Variants in CDC5L observed in about 807,000 individuals in gnomAD.
CDC5L encodes cell division cycle 5 like.
In CDC5L, 18 loss-of-function variants were observed where a neutral mutation model predicts 104.1. The ratio of observed to expected loss-of-function variants is 0.17; its 90% CI spans 0.12 to 0.26. The LOEUF (loss-of-function observed/expected upper bound fraction) is 0.26, where lower values mean the gene tolerates loss of function less well. Ranked by LOEUF, CDC5L falls within the 10% of genes least tolerant of loss-of-function variation. The pLI is 1.00. For synonymous variants in CDC5L, 331 were observed against 322.7 expected (o/e 1.03, Z -0.28); for missense variants, 673 against 956.9 (o/e 0.70, Z 3.91).
At chr6:44,415,726 A>G (rs984905624) in intron 8 of CDC5L, among the ~76,000 whole-genome samples, 1 of 152,208 alleles carries the variant, frequency 6.6e-6, no homozygotes, top group Non-Finnish European at 1.5e-5. Context: ...TTAGGCACAC[A>G]TGTCCTAGCT....
At chr6:44,392,522 T>C (rs1015266605) in intron 2 of CDC5L, 145 bp from the exon 3 acceptor site, 13 of 651,074 alleles carry the variant, frequency 2.0e-5, no homozygotes, top group Admixed American at 5.6e-5. Context: ...CTGGGGTAAG[T>C]GTAACCACAC....
chr6:44,435,969 C>T (rs193295659), intron 14 of CDC5L, among the ~76,000 whole-genome samples: 207 of 151,958 alleles, frequency 1.4e-3, no homozygotes, highest in African/African-American at 4.5e-3. Flanking sequence ...TTAGTAGAGA[C>T]GGGTTTCACC....
At chr6:44,400,641 C>T (rs1189385219) in intron 5 of CDC5L, among the ~76,000 whole-genome samples, 1 of 152,202 alleles carries the variant, frequency 6.6e-6, no homozygotes, top group African/African-American at 2.4e-5. Flanking sequence ...CTTGGCCTCC[C>T]AAAGTCCTGG....
intron 10 of CDC5L, 97 bp downstream of exon 10, chr6:44,422,906 C>T: frequency 1.5e-6 from 1 of 670,076 alleles, no homozygotes; most frequent in Non-Finnish European, 2.5e-6. Flanking sequence ...TCACATATAC[C>T]TTAAGAATCT....
chr6:44,439,707 A>G (rs1471879533), intron 14 of CDC5L, among the ~76,000 whole-genome samples: 1 of 152,224 alleles, frequency 6.6e-6, no homozygotes, highest in African/African-American at 2.4e-5. Flanking sequence ...TATCTGGAAA[A>G]TAATAATGGT....
At position 44,429,704 on chromosome 6, in the gene CDC5L, T is replaced by C. The variant is rs754687422; in HGVS notation, c.1894-9T>C. Reference sequence around the variant, plus strand: ...TACTTAAACTTATTGAAATTATTATTGTAAACAGGCCCAGGATGTTTTGGT... The same window carrying C: ...TACTTAAACTTATTGAAATTATTATCGTAAACAGGCCCAGGATGTTTTGGT... On this transcript the variant is annotated splice_polypyrimidine_tract_variant and intron_variant, in intron 13 of 15. Coordinates refer to ENST00000371477, the MANE Select transcript of CDC5L (RefSeq NM_001253.4). The C allele has an allele frequency of 2.2e-5, 35 of 1,611,918 alleles. No individual in the cohort carries two copies. The Middle Eastern group carries it at 6.6e-4, about 30-fold the overall frequency.
intron 4 of CDC5L, among the ~76,000 whole-genome samples, chr6:44,396,085 G>T (rs149557803): frequency 6.6e-6 from 1 of 152,054 alleles, no homozygotes; most frequent in South Asian, 2.1e-4. Context: ...ATTGTTATTC[G>T]AATTTTATAG....
chr6:44,446,372 G>A (rs932014785), intron 15 of CDC5L, among the ~76,000 whole-genome samples: 2 of 152,202 alleles, frequency 1.3e-5, no homozygotes, highest in Non-Finnish European at 2.9e-5. Context: ...GTATTGATAA[G>A]ACAGTAGTGG....
Position 44,394,497 on chromosome 6 carries a change from A to G in CDC5L, c.439+924A>G, listed in dbSNP as rs76231461. Among the ~76,000 whole-genome samples the G allele has an allele frequency of 8.4e-3, 1,272 of 152,298 alleles. 10 individuals are homozygous for G. Among genetic ancestry groups the G allele is most frequent in the South Asian group, 0.022 (104 of 4,824 alleles). ...TAACAGTGATTCTGGGAGGCATTGA[A>G]TCAGGAATTCCACAATAGAAAGTAT... On this transcript the variant is annotated intron_variant, in intron 4 of 15. Coordinates refer to ENST00000371477, the MANE Select transcript of CDC5L (RefSeq NM_001253.4).
intron 2 of CDC5L, 85 bp downstream of exon 2, chr6:44,390,456 G>A (rs1790538295): frequency 1.2e-6 from 1 of 852,374 alleles, no homozygotes; most frequent in Non-Finnish European, 1.8e-6. Flanking sequence ...CCTTATCAAA[G>A]AAAGCAGACA....
rs146146559 is a variant in CDC5L, at chr6:44,446,386, G to A, written c.2305-221G>A. ...GGTATTGATAAGACAGTAGTGGTTT[G>A]TTTATTTGAAGTAGCAGCAGGATTT... On this transcript the variant is annotated intron_variant, in intron 15 of 15. Transcript: ENST00000371477. Among the ~76,000 whole-genome samples, 197 of 152,292 alleles carry A rather than the reference G, an allele frequency of 1.3e-3. 2 individuals are homozygous for A. The highest frequency in any genetic ancestry group is 2.4e-3 in the Admixed American group (36 of 15,304).
chr6:44,390,755 C>G (rs1384281569), intron 2 of CDC5L, among the ~76,000 whole-genome samples: 1 of 152,008 alleles, frequency 6.6e-6, no homozygotes, highest in Admixed American at 6.6e-5. Context: ...CATAAGTTAG[C>G]TGTTTTAGAA....
At chr6:44,434,176 T>C (rs749285455) in intron 14 of CDC5L, among the ~76,000 whole-genome samples, 9 of 152,254 alleles carry the variant, frequency 5.9e-5, no homozygotes, top group Non-Finnish European at 1.0e-4. Flanking sequence ...GCTTCTGTTA[T>C]GCCTCAACAT....
intron 14 of CDC5L, among the ~76,000 whole-genome samples, chr6:44,434,320 G>A (rs1039980358): frequency 2.0e-5 from 3 of 152,170 alleles, no homozygotes; most frequent in Non-Finnish European, 4.4e-5. Context: ...TTCCTGGTTA[G>A]CATGCTTTTC....
Position 44,390,289 on chromosome 6 carries a change from G to A in CDC5L, c.67G>A (p.Val23Ile). The change falls in exon 2 of 16, where the codon GTA becomes ATA. Residue 23 changes from valine to isoleucine, a missense_variant. Physicochemically the swap from Val to Ile is conservative, Grantham distance 29 (BLOSUM62 3). Transcript: ENST00000371477. Reference protein sequence around the residue: ...NTEDEILKAAVMKYGKNQWSR... With the variant: ...NTEDEILKAAIMKYGKNQWSR... Reference sequence around the variant, plus strand: ...TTAGGATGAAATTCTGAAAGCAGCGGTAATGAAATATGGGAAAAATCAGTG... The same window carrying A: ...TTAGGATGAAATTCTGAAAGCAGCGATAATGAAATATGGGAAAAATCAGTG... 1 of 1,612,780 alleles carries A rather than the reference G, an allele frequency of 6.2e-7. No homozygotes were observed. The highest frequency in any genetic ancestry group is 8.5e-7 in the Non-Finnish European group (1 of 1,179,060).
chr6:44,406,545 T>C (rs1791371913), intron 7 of CDC5L, 78 bp downstream of exon 7: 2 of 1,288,532 alleles, frequency 1.6e-6, no homozygotes, highest in East Asian at 2.3e-5. Context: ...TTTGAAGGCC[T>C]GTGTACCAGG....
At chr6:44,391,005 G>T (rs1190605172) in intron 2 of CDC5L, among the ~76,000 whole-genome samples, 11 of 99,638 alleles carry the variant, frequency 1.1e-4, no homozygotes, top group Non-Finnish European at 1.5e-4. Flanking sequence ...TATTTAATAT[G>T]TTATATATTA....
At chr6:44,397,029 TG>T (rs1302935649) in intron 5 of CDC5L, among the ~76,000 whole-genome samples, 2 of 152,214 alleles carry the variant, frequency 1.3e-5, no homozygotes, top group Middle Eastern at 3.2e-3. Flanking sequence ...TGGGTTTTTA[TG>T]GAGGCTTCAT....
intron 14 of CDC5L, among the ~76,000 whole-genome samples, chr6:44,440,654 A>G (rs1312967951): frequency 1.3e-5 from 2 of 151,980 alleles, no homozygotes; most frequent in Non-Finnish European, 2.9e-5. Flanking sequence ...GCTAATTAAC[A>G]TATTAATCCC....
Sources: gnomAD v4.1 joint callset for allele counts (sites outside exome capture counted in the v4.1 genomes callset) on GRCh38, gnomAD v4.1.1 for gene constraint, MANE v1.5 for transcripts, NCBI Gene and HGNC (gene_info 2026-07-23, HGNC 2026-07-21) for gene names.